The following RCAN2 variants were observed in gnomAD, a reference collection of about 807,000 sequenced individuals.
RCAN2 encodes the protein calcipressin-2.
RCAN2 carries 9 observed loss-of-function variants against 23.6 expected under a neutral mutation model. The ratio of observed to expected loss-of-function variants is 0.38; its 90% confidence interval spans 0.23 to 0.67. The LOEUF (loss-of-function observed/expected upper bound fraction) is 0.67. Among genes scored for constraint, RCAN2 ranks in the 30% least tolerant of loss-of-function variants. The pLI, the probability that RCAN2 is intolerant of heterozygous loss-of-function variation, is 0.51. For synonymous variants in RCAN2, 109 were observed against 115.7 expected (o/e 0.94, Z 0.37); for missense variants, 273 against 302.3 (o/e 0.90, Z 0.72).
At chr6:46,379,849 G>C (rs1188223728) in intron 2 of RCAN2, among the ~76,000 whole-genome samples, 1 of 152,132 alleles carries the variant, frequency 6.6e-6, no homozygotes, top group East Asian at 1.9e-4. Context: ...TCAGATCACT[G>C]TGTCGTTGGG....
intron 1 of RCAN2, among the ~76,000 whole-genome samples, chr6:46,459,132 A>C (rs143688425): frequency 0.026 from 3,962 of 152,306 alleles, 159 homozygotes; most frequent in African/African-American, 0.091. Flanking sequence ...TCCTGACCTC[A>C]GGTGATCCAC....
intron 4 of RCAN2, among the ~76,000 whole-genome samples, chr6:46,241,628 A>T (rs1300291371): frequency 6.6e-6 from 1 of 152,204 alleles, no homozygotes. Flanking sequence ...AGCAATCTTA[A>T]ATTTCTTCTA....
chr6:46,293,078 T>C (rs1293411442), intron 2 of RCAN2, among the ~76,000 whole-genome samples: 1 of 152,350 alleles, frequency 6.6e-6, no homozygotes, highest in East Asian at 1.9e-4. Flanking sequence ...GGTTGTATAG[T>C]ATTCCATGGT....
chr6:46,247,746 C>T (rs571756249), intron 3 of RCAN2, among the ~76,000 whole-genome samples: 2 of 152,330 alleles, frequency 1.3e-5, no homozygotes, highest in African/African-American at 4.8e-5. Flanking sequence ...CTAATCCATT[C>T]ATCCATTGAT....
chr6:46,343,563 G>A (rs1183662850), intron 2 of RCAN2, among the ~76,000 whole-genome samples: 2 of 151,932 alleles, frequency 1.3e-5, no homozygotes, highest in Non-Finnish European at 2.9e-5. Flanking sequence ...TTTTAGTAGA[G>A]ACGGGGTTTC....
chr6:46,381,650 G>C (rs898634853), intron 2 of RCAN2, among the ~76,000 whole-genome samples: 1 of 152,072 alleles, frequency 6.6e-6, no homozygotes, highest in African/African-American at 2.4e-5. Context: ...GAAAAAATAA[G>C]TCTCTCAGGA....
At chr6:46,354,240 TG>T in intron 2 of RCAN2, among the ~76,000 whole-genome samples, 1 of 150,540 alleles carries the variant, frequency 6.6e-6, no homozygotes, top group African/African-American at 2.5e-5. Context: ...TGTGTGTGTG[TG>T]TGTGTGTGTG....
In RCAN2 at chr6:46,221,773, C is replaced by T. The variant is rs948822240; in HGVS notation, c.*1368G>A. 1.3e-5 allele frequency: 5 copies of T among 394,594 alleles called. No individual in the cohort carries two copies. The highest frequency in any genetic ancestry group is 4.4e-5 in the Admixed American group (1 of 22,616). 24.4% of individuals were successfully genotyped at this position (394,594 alleles called of 1,614,324 possible). On this transcript the variant is annotated 3_prime_UTR_variant, in exon 5 of 5. Coordinates refer to ENST00000371374, the MANE Select transcript of RCAN2 (RefSeq NM_001251974.2). ...TACTTCCCCACTCCATTGTAATCTG[C>T]GTTTGCATCTAAAGTAATTCATTAA...
chr6:46,384,796 AAG>A (rs758597399), intron 2 of RCAN2, among the ~76,000 whole-genome samples: 2,598 of 152,332 alleles, frequency 0.017, 54 homozygotes, highest in South Asian at 0.12. Flanking sequence ...GAAGTGATAC[AAG>A]GGACTTTTCT....
chr6:46,400,005 A>C (rs1279515355), intron 2 of RCAN2, among the ~76,000 whole-genome samples: 1 of 152,106 alleles, frequency 6.6e-6, no homozygotes, highest in Non-Finnish European at 1.5e-5. Flanking sequence ...CTCACAGATT[A>C]CCTCCTCACA....
intron 2 of RCAN2, among the ~76,000 whole-genome samples, chr6:46,337,146 T>A (rs1182559024): frequency 7.5e-6 from 1 of 133,826 alleles, no homozygotes; most frequent in East Asian, 2.4e-4. Context: ...ATCATTTATC[T>A]CCATGTTAAA....
intron 4 of RCAN2, 67 bp from the exon 5 acceptor site, chr6:46,223,368 C>G: frequency 6.7e-7 from 1 of 1,486,780 alleles, no homozygotes; most frequent in South Asian, 1.2e-5. Context: ...GGAGCAGGGT[C>G]TGCTTAGGAA....
At chr6:46,429,379 C>A (rs904582964) in intron 2 of RCAN2, among the ~76,000 whole-genome samples, 1 of 152,176 alleles carries the variant, frequency 6.6e-6, no homozygotes, top group African/African-American at 2.4e-5. Context: ...ATGTGAATAT[C>A]AGCAAATTAC....
intron 1 of RCAN2, among the ~76,000 whole-genome samples, chr6:46,459,785 C>T (rs771206213): frequency 1.3e-5 from 2 of 151,988 alleles, no homozygotes; most frequent in Admixed American, 6.6e-5. Context: ...GAAACAGGAG[C>T]GGAAGACGTG....
chr6:46,274,529 C>T (rs1242607870), intron 2 of RCAN2, among the ~76,000 whole-genome samples: 1 of 152,170 alleles, frequency 6.6e-6, no homozygotes, highest in African/African-American at 2.4e-5. Context: ...TGAGTATGGG[C>T]TCTGCATCCC....
intron 2 of RCAN2, among the ~76,000 whole-genome samples, chr6:46,391,504 C>T (rs1387919043): frequency 1.3e-5 from 2 of 152,144 alleles, no homozygotes; most frequent in African/African-American, 4.8e-5. Context: ...AGAGCCTGTT[C>T]TCAGGACGCT....
chr6:46,413,470 G>A (rs1167328424), intron 2 of RCAN2, among the ~76,000 whole-genome samples: 1 of 152,118 alleles, frequency 6.6e-6, no homozygotes, highest in East Asian at 1.9e-4. Context: ...TGATACTTGT[G>A]GATTAGCTCA....
chr6:46,312,632 C>G (rs1763300064), intron 2 of RCAN2, among the ~76,000 whole-genome samples: 1 of 152,146 alleles, frequency 6.6e-6, no homozygotes, highest in Admixed American at 6.5e-5. Flanking sequence ...GAAACCTTAC[C>G]CTTGTTGAAT....
At chr6:46,343,530 C>T (rs1482752751) in intron 2 of RCAN2, among the ~76,000 whole-genome samples, 2 of 152,084 alleles carry the variant, frequency 1.3e-5, no homozygotes, top group East Asian at 3.9e-4. Flanking sequence ...TGCCCGTCAC[C>T]ACGCCCAGCT....
Sources: gnomAD v4.1 joint callset for allele counts (sites outside exome capture counted in the v4.1 genomes callset) on GRCh38, gnomAD v4.1.1 for gene constraint, MANE v1.5 for transcripts, NCBI Gene and HGNC (gene_info 2026-07-23, HGNC 2026-07-21) for gene names.